The following GASK1B variants were observed in gnomAD, a reference collection of about 807,000 sequenced individuals.
GASK1B encodes the protein Golgi-associated kinase 1B.
A neutral mutation model predicts 42.8 loss-of-function variants in GASK1B; 34 were observed. The observed-to-expected ratio is 0.79, with a 90% CI of 0.60 to 1.06. The LOEUF (loss-of-function observed/expected upper bound fraction) is 1.06. Ranked by LOEUF, GASK1B falls within the 50% of genes least tolerant of loss-of-function variation. The pLI, the probability that GASK1B is intolerant of heterozygous loss-of-function variation, is 0.00. For missense variants in GASK1B, 686 were observed against 661.0 expected, an observed-to-expected ratio of 1.04 and a Z score of -0.42; for synonymous variants, 262 against 259.1, an observed-to-expected ratio of 1.01 and a Z score of -0.11.
intron 3 of GASK1B, among the ~76,000 whole-genome samples, chr4:158,153,134 A>T (rs1379245632): frequency 6.6e-6 from 1 of 152,236 alleles, no homozygotes; most frequent in Non-Finnish European, 1.5e-5. Context: ...TAGAACTGAT[A>T]AATGACTTCA....
At position 158,162,375 on chromosome 4, in the gene GASK1B, C is replaced by T. The variant is rs142506174; in HGVS notation, c.911-6550G>A. ...TCCTCTGGATCTCCAACTTTTGATGCAGTGTCTAGAACAAAGCAAGCACTC... is the reference window on the plus strand; with the variant it reads ...TCCTCTGGATCTCCAACTTTTGATGTAGTGTCTAGAACAAAGCAAGCACTC... On this transcript the variant is annotated intron_variant, in intron 2 of 4. Coordinates refer to ENST00000585682, the MANE Select transcript of GASK1B (RefSeq NM_001128424.2). Among the ~76,000 whole-genome samples the T allele has an allele frequency of 2.0e-4, 31 of 152,292 alleles. No individual in the cohort carries two copies. The East Asian group carries it at 5.8e-3, about 29-fold the overall frequency.
Position 158,130,780 on chromosome 4 carries a change from A to T in GASK1B, c.1352+6T>A. 1 of 1,606,110 alleles carries T rather than the reference A, an allele frequency of 6.2e-7. No homozygotes were observed. Among genetic ancestry groups the T allele is most frequent in the Non-Finnish European group, 8.5e-7 (1 of 1,174,640 alleles). ...GATGTCCTGCAGATGTTACTATAAA[A>T]CTTACTCTTTGATGCCTTCTAACAA... On this transcript the variant is annotated splice_donor_region_variant and intron_variant, in intron 4 of 4. Coordinates refer to ENST00000585682, the MANE Select transcript of GASK1B (RefSeq NM_001128424.2).
chr4:158,171,837 A>G (rs993238361), intron 1 of GASK1B, among the ~76,000 whole-genome samples: 3 of 152,260 alleles, frequency 2.0e-5, no homozygotes, highest in African/African-American at 7.2e-5. Flanking sequence ...ACCTAGAGTC[A>G]TTTAAGTTGA....
At chr4:158,129,197 C>A (rs570535822) in intron 4 of GASK1B, among the ~76,000 whole-genome samples, 5 of 152,088 alleles carry the variant, frequency 3.3e-5, no homozygotes, top group African/African-American at 7.2e-5. Context: ...TGTAAATCTT[C>A]TTTGAAAGAA....
intron 3 of GASK1B, among the ~76,000 whole-genome samples, chr4:158,155,214 G>T (rs1731711072): frequency 6.6e-6 from 1 of 151,928 alleles, no homozygotes; most frequent in Admixed American, 6.6e-5. Flanking sequence ...CAGACAGTGG[G>T]CCCTGAAAGA....
chr4:158,137,702 A>G (rs1730955518), intron 3 of GASK1B, among the ~76,000 whole-genome samples: 1 of 152,158 alleles, frequency 6.6e-6, no homozygotes, highest in African/African-American at 2.4e-5. Flanking sequence ...TATACAAAGC[A>G]AAAGCCCACA....
intron 2 of GASK1B, 102 bp downstream of exon 2, chr4:158,170,364 C>T (rs370934434): frequency 4.2e-5 from 67 of 1,613,940 alleles, no homozygotes; most frequent in Non-Finnish European, 5.4e-5. Flanking sequence ...AAATGTGAAC[C>T]GTGGGTGGAG....
rs769147496 is a variant in GASK1B, at chr4:158,130,886, G to A, written c.1252C>T (p.Arg418Ter). The A allele has an allele frequency of 4.5e-5, 73 of 1,613,878 alleles. No individual in the cohort carries two copies. Among genetic ancestry groups the A allele is most frequent in the African/African-American group, 4.0e-4 (30 of 74,884 alleles). Reference protein sequence around the residue: ...GSAALAHIIQRKHDPRHLVFI... With the variant: ...GSAALAHIIQ Reference sequence around the variant, plus strand: ...ACCAAATGCCTTGGGTCATGCTTTCGCTGGATAATGTGTGCTAGAGCCGCA... The same window carrying A: ...ACCAAATGCCTTGGGTCATGCTTTCACTGGATAATGTGTGCTAGAGCCGCA... Residue 418 changes from arginine (R) to a stop codon, truncating the protein, a stop_gained, in exon 4 of 5, where the codon CGA (arginine) becomes TGA (stop). Transcript: ENST00000585682. LOFTEE classifies it high-confidence loss of function.
At chr4:158,163,166 C>A (rs959988700) in intron 2 of GASK1B, among the ~76,000 whole-genome samples, 2 of 152,072 alleles carry the variant, frequency 1.3e-5, no homozygotes, top group Non-Finnish European at 2.9e-5. Context: ...TTTTAGGTGC[C>A]CATTTATTCT....
rs1730420955 is a variant in GASK1B, at chr4:158,125,636, C to G, written c.*1771G>C. 2 of 151,872 alleles carry G rather than the reference C, an allele frequency of 1.3e-5. No individual in the cohort carries two copies. Among genetic ancestry groups the G allele is most frequent in the African/African-American group, 4.8e-5 (2 of 41,334 alleles). 9.4% of individuals were successfully genotyped at this position (151,872 alleles called of 1,614,324 possible). On this transcript the variant is annotated 3_prime_UTR_variant, in exon 5 of 5. Transcript: ENST00000585682. ...AGTAAAAGTGGAGACTCAAAAGAGCCAAGGAGTACTATAAATCTGTAGAAG... is the reference window on the plus strand; with the variant it reads ...AGTAAAAGTGGAGACTCAAAAGAGCGAAGGAGTACTATAAATCTGTAGAAG...
intron 2 of GASK1B, among the ~76,000 whole-genome samples, chr4:158,164,199 A>G (rs1389166528): frequency 3.3e-5 from 5 of 152,254 alleles, no homozygotes; most frequent in African/African-American, 9.6e-5. Context: ...CCCAGTGACT[A>G]GAATAGTGGC....
chr4:158,156,229 G>A (rs1027396545), intron 2 of GASK1B, among the ~76,000 whole-genome samples: 3 of 152,120 alleles, frequency 2.0e-5, no homozygotes, highest in African/African-American at 7.2e-5. Flanking sequence ...CTCTTTATTT[G>A]TAATAACAAC....
intron 2 of GASK1B, among the ~76,000 whole-genome samples, chr4:158,159,097 A>G (rs1579041708): frequency 6.6e-6 from 1 of 152,130 alleles, no homozygotes; most frequent in Non-Finnish European, 1.5e-5. Context: ...TTGGTTTTCA[A>G]TTAATAGCCT....
rs1322232083 is a variant in GASK1B, at chr4:158,126,365, A to C, written c.*1042T>G. 2 of 152,148 alleles carry C rather than the reference A, an allele frequency of 1.3e-5. No homozygotes were observed. The highest frequency in any genetic ancestry group is 2.9e-5 in the Non-Finnish European group (2 of 68,012). 9.4% of individuals were successfully genotyped at this position (152,148 alleles called of 1,614,324 possible). On this transcript the variant is annotated 3_prime_UTR_variant, in exon 5 of 5. Transcript: ENST00000585682. ...TCTAGTCATGAGGAAAATTGATCAG[A>C]CGCAGGTTTTAACTTATTTTGCTCA...
At chr4:158,138,751 A>G (rs1731003495) in intron 3 of GASK1B, among the ~76,000 whole-genome samples, 1 of 152,126 alleles carries the variant, frequency 6.6e-6, no homozygotes, top group Non-Finnish European at 1.5e-5. Context: ...AATGTAGCAA[A>G]CAAATCTAAT....
intron 2 of GASK1B, chr4:158,167,299 C>T (rs977455360): frequency 1.8e-4 from 27 of 152,212 alleles, no homozygotes; most frequent in East Asian, 9.6e-4. Flanking sequence ...AACTCATTAT[C>T]GAATTACACT....
chr4:158,145,148 G>A (rs558848618), intron 3 of GASK1B, among the ~76,000 whole-genome samples: 1 of 152,252 alleles, frequency 6.6e-6, no homozygotes, highest in South Asian at 2.1e-4. Context: ...ACAGTAATAA[G>A]TTCCCTCTTG....
chr4:158,166,536 C>T (rs973311741), intron 2 of GASK1B, among the ~76,000 whole-genome samples: 1 of 152,154 alleles, frequency 6.6e-6, no homozygotes, highest in African/African-American at 2.4e-5. Context: ...CTTTGGGCCT[C>T]AACTTCCATA....
intron 3 of GASK1B, among the ~76,000 whole-genome samples, chr4:158,140,557 T>C (rs2110952263): frequency 6.6e-6 from 1 of 152,306 alleles, no homozygotes; most frequent in South Asian, 2.1e-4. Flanking sequence ...CGTTCATTTT[T>C]CCAAAACTGT....
Sources: allele counts gnomAD v4.1 joint callset (sites outside exome capture counted in the v4.1 genomes callset), GRCh38; gene constraint gnomAD v4.1.1; transcripts MANE v1.5; gene names NCBI Gene and HGNC (gene_info 2026-07-23, HGNC 2026-07-21).